FER: variants seen among roughly 807,000 people sequenced by gnomAD.
FER encodes the protein tyrosine-protein kinase Fer.
A neutral mutation model predicts 111.0 loss-of-function variants in FER; 63 were observed. That is an observed-to-expected ratio of 0.57 (90% CI 0.46 to 0.70). The LOEUF (loss-of-function observed/expected upper bound fraction) is 0.70. Ranked by LOEUF, FER falls within the 30% of genes least tolerant of loss-of-function variation. The pLI is 0.00. For synonymous variants in FER, 327 were observed against 313.9 expected (o/e 1.04, Z -0.44); for missense variants, 914 against 954.0 (o/e 0.96, Z 0.55).
chr5:108,880,227 A>G (rs554140828), intron 8 of FER, among the ~76,000 whole-genome samples: 1 of 152,306 alleles, frequency 6.6e-6, no homozygotes, highest in South Asian at 2.1e-4. Context: ...CAGGAAGAGA[A>G]TGAGAATAAG....
chr5:108,888,004 A>G (rs939164978), intron 9 of FER, among the ~76,000 whole-genome samples: 3 of 151,922 alleles, frequency 2.0e-5, no homozygotes, highest in Non-Finnish European at 2.9e-5. Context: ...CTTATGTATT[A>G]TAAAATGATA....
chr5:108,965,583 G>C (rs1759702445), intron 13 of FER, among the ~76,000 whole-genome samples: 1 of 151,872 alleles, frequency 6.6e-6, no homozygotes, highest in South Asian at 2.1e-4. Flanking sequence ...TATTAGGTAA[G>C]GAAACTCAGA....
At chr5:108,935,615 G>A (rs1240593223) in intron 10 of FER, among the ~76,000 whole-genome samples, 1 of 152,078 alleles carries the variant, frequency 6.6e-6, no homozygotes, top group African/African-American at 2.4e-5. Context: ...TATCAAGAAA[G>A]TTCTCAAAAA....
intron 5 of FER, among the ~76,000 whole-genome samples, chr5:108,865,267 G>C (rs1232878417): frequency 6.6e-6 from 1 of 151,940 alleles, no homozygotes; most frequent in East Asian, 1.9e-4. Flanking sequence ...GAGATGATGG[G>C]GTTTTCTAAA....
At chr5:109,155,718 C>T (rs534151753) in intron 17 of FER, among the ~76,000 whole-genome samples, 1 of 152,044 alleles carries the variant, frequency 6.6e-6, no homozygotes, top group Non-Finnish European at 1.5e-5. Context: ...CTCTCTTACA[C>T]AATTCTGAAA....
intron 17 of FER, among the ~76,000 whole-genome samples, chr5:109,115,651 GT>G (rs1293202277): frequency 7.2e-6 from 1 of 139,394 alleles, no homozygotes; most frequent in African/African-American, 2.7e-5. Flanking sequence ...ATTTTGTGCA[GT>G]TTTTGTTTGT....
chr5:108,946,223 G>A lies in FER; in HGVS notation c.1329+1G>A. The A allele has an allele frequency of 6.2e-7, 1 of 1,605,638 alleles. No individual in the cohort carries two copies. The highest frequency in any genetic ancestry group is 8.5e-7 in the Non-Finnish European group (1 of 1,173,438). ...AAAATCTGCACTGGGCTCTTCAGCA[G>A]TAAGTAGGATTAACTCTCTGTGCTA... On this transcript the variant is annotated splice_donor_variant, in intron 11 of 19. Transcript: ENST00000281092. LOFTEE classifies it high-confidence loss of function.
At chr5:109,055,624 C>T (rs10477942) in intron 16 of FER, among the ~76,000 whole-genome samples, 23,151 of 147,658 alleles carry the variant, frequency 0.16, 1,820 homozygotes, top group South Asian at 0.21. Context: ...GTCTCTATGA[C>T]TTTTTTTTTT....
At chr5:108,845,027 TATATATATATATAC>T (rs1166875663) in intron 5 of FER, among the ~76,000 whole-genome samples, 42 of 55,634 alleles carry the variant, frequency 7.5e-4, no homozygotes, top group African/African-American at 1.7e-3. Context: ...TATATATATA[TATATATATATATAC>T]ATATATATAT....
At chr5:109,050,474 C>T (rs1772635230) in intron 16 of FER, among the ~76,000 whole-genome samples, 1 of 152,170 alleles carries the variant, frequency 6.6e-6, no homozygotes, top group African/African-American at 2.4e-5. Context: ...CTTCCACACA[C>T]ATACAAGTGA....
At chr5:109,057,772 G>A (rs1005398458) in intron 16 of FER, among the ~76,000 whole-genome samples, 2 of 152,136 alleles carry the variant, frequency 1.3e-5, no homozygotes, top group Non-Finnish European at 2.9e-5. Context: ...GGCCTAGATG[G>A]CTTTTCTGGT....
rs532303467 is a variant in FER at position 108,892,198 on chromosome 5, G to A, written c.1047-5461G>A. Reference sequence around the variant, plus strand: ...ATATACCCAGTAATGGGATGGCTGGGTCAAATGGTATTTCTAGTTCTAGGT... The same window carrying A: ...ATATACCCAGTAATGGGATGGCTGGATCAAATGGTATTTCTAGTTCTAGGT... On this transcript the variant is annotated intron_variant, in intron 9 of 19. Coordinates refer to ENST00000281092, the MANE Select transcript of FER (RefSeq NM_005246.4). Among the ~76,000 whole-genome samples the A allele has an allele frequency of 3.0e-3, 457 of 152,286 alleles. 3 individuals carry two copies. The highest frequency in any genetic ancestry group is 3.6e-3 in the Non-Finnish European group (244 of 68,030).
intron 14 of FER, 76 bp downstream of exon 14, chr5:109,037,554 C>T: frequency 1.7e-6 from 2 of 1,206,358 alleles, no homozygotes; most frequent in Non-Finnish European, 1.2e-6. Flanking sequence ...TCATTTTCCT[C>T]AAAGCTTTTC....
At chr5:108,927,734 C>A (rs1355543218) in intron 10 of FER, among the ~76,000 whole-genome samples, 1 of 152,188 alleles carries the variant, frequency 6.6e-6, no homozygotes, top group East Asian at 1.9e-4. Context: ...CTGGTTTAGT[C>A]TCTTTTTCTA....
chr5:108,958,906 T>G (rs983905769), intron 12 of FER, among the ~76,000 whole-genome samples: 5 of 151,950 alleles, frequency 3.3e-5, no homozygotes, highest in African/African-American at 1.2e-4. Context: ...TTGTTTCCTT[T>G]GGTTAGCATT....
intron 10 of FER, among the ~76,000 whole-genome samples, chr5:108,935,647 A>G (rs1172437325): frequency 5.3e-5 from 8 of 152,202 alleles, no homozygotes; most frequent in Admixed American, 6.5e-5. Context: ...GTTGTGGGTG[A>G]AATCTTTAAC....
intron 19 of FER, among the ~76,000 whole-genome samples, chr5:109,187,023 A>G (rs970920822): frequency 2.0e-5 from 3 of 151,962 alleles, no homozygotes. Flanking sequence ...TTATTTCCCT[A>G]TTGAATTCAC....
intron 13 of FER, among the ~76,000 whole-genome samples, chr5:109,012,676 C>T (rs11951285): frequency 0.19 from 28,231 of 152,156 alleles, 2,783 homozygotes; most frequent in Non-Finnish European, 0.22. Flanking sequence ...CAAAGAAATA[C>T]TTTGTCTTGA....
At chr5:108,880,200 A>G (rs1169144377) in intron 8 of FER, among the ~76,000 whole-genome samples, 2 of 152,170 alleles carry the variant, frequency 1.3e-5, no homozygotes, top group Admixed American at 6.6e-5. Context: ...GAGAAGAGAG[A>G]TGAATGGAAA....
Sources: gnomAD v4.1 joint callset for allele counts (sites outside exome capture counted in the v4.1 genomes callset) on GRCh38, gnomAD v4.1.1 for gene constraint, MANE v1.5 for transcripts, NCBI Gene and HGNC (gene_info 2026-07-23, HGNC 2026-07-21) for gene names.